Variants in SLC16A7 observed in about 807,000 individuals in gnomAD.
SLC16A7 encodes the protein monocarboxylate transporter 2.
A neutral mutation model predicts 34.9 loss-of-function variants in SLC16A7; 33 were observed. The ratio of observed to expected loss-of-function variants is 0.94; its 90% CI spans 0.72 to 1.26. The LOEUF (loss-of-function observed/expected upper bound fraction) is 1.26, where lower values mean the gene tolerates loss of function less well. SLC16A7 is among the 50% of genes most tolerant of loss of function. SLC16A7 has a pLI of 0.00. For missense variants in SLC16A7, 573 were observed against 578.1 expected, an observed-to-expected ratio of 0.99 and a Z score of 0.09; for synonymous variants, 201 against 206.6, an observed-to-expected ratio of 0.97 and a Z score of 0.23.
chr12:59,720,676 A>G (rs1875471352), intron 3 of SLC16A7, among the ~76,000 whole-genome samples: 1 of 152,050 alleles, frequency 6.6e-6, no homozygotes, highest in African/African-American at 2.4e-5. Flanking sequence ...TCCCATGTTC[A>G]CACCCTTAAA....
At chr12:59,754,425 A>G (rs1880021221) in intron 3 of SLC16A7, among the ~76,000 whole-genome samples, 1 of 152,176 alleles carries the variant, frequency 6.6e-6, no homozygotes, top group South Asian at 2.1e-4. Flanking sequence ...TAAAGGGGAT[A>G]TCACCACCAA....
intron 3 of SLC16A7, among the ~76,000 whole-genome samples, chr12:59,709,140 T>C (rs2132872): frequency 0.57 from 86,390 of 151,308 alleles, 25,748 homozygotes; most frequent in African/African-American, 0.73. Context: ...ATAATCTATA[T>C]ATGGTTACCT....
At chr12:59,758,831 A>G (rs957939140) in intron 3 of SLC16A7, among the ~76,000 whole-genome samples, 2 of 152,106 alleles carry the variant, frequency 1.3e-5, no homozygotes, top group Non-Finnish European at 2.9e-5. Context: ...GCATCAATTT[A>G]TGACAAATTC....
At chr12:59,722,595 C>T (rs945272304) in intron 3 of SLC16A7, among the ~76,000 whole-genome samples, 5 of 151,888 alleles carry the variant, frequency 3.3e-5, no homozygotes, top group African/African-American at 1.2e-4. Context: ...ATATACCAGC[C>T]ATGCTCTCAC....
intron 3 of SLC16A7, among the ~76,000 whole-genome samples, chr12:59,756,751 A>C (rs1056505970): frequency 7.4e-6 from 1 of 135,464 alleles, no homozygotes; most frequent in African/African-American, 3.0e-5. Flanking sequence ...CCATCCCATT[A>C]CTGGGTATAT....
At chr12:59,743,823 A>G (rs932818755) in intron 3 of SLC16A7, among the ~76,000 whole-genome samples, 4 of 152,206 alleles carry the variant, frequency 2.6e-5, no homozygotes, top group Admixed American at 2.6e-4. Flanking sequence ...AAAAAGACTT[A>G]GATTCAAAGC....
intron 4 of SLC16A7, among the ~76,000 whole-genome samples, 174 bp downstream of exon 4, chr12:59,771,536 C>T (rs1275937231): frequency 6.6e-6 from 1 of 151,934 alleles, no homozygotes; most frequent in Non-Finnish European, 1.5e-5. Context: ...AATGGGCAAA[C>T]ATTTCATTTT....
At chr12:59,684,703 G>C (rs2137079910) in intron 2 of SLC16A7, among the ~76,000 whole-genome samples, 1 of 152,214 alleles carries the variant, frequency 6.6e-6, no homozygotes, top group Middle Eastern at 3.4e-3. Context: ...AGTCTAGGAT[G>C]ATGGGCAGAT....
chr12:59,658,266 T>C (rs1398633280), intron 2 of SLC16A7, among the ~76,000 whole-genome samples: 4 of 151,972 alleles, frequency 2.6e-5, no homozygotes, highest in Non-Finnish European at 5.9e-5. Context: ...CAGTCTTACT[T>C]CTCCCACACT....
chr12:59,717,297 C>G (rs1875029019), intron 3 of SLC16A7, among the ~76,000 whole-genome samples: 1 of 152,162 alleles, frequency 6.6e-6, no homozygotes, highest in Non-Finnish European at 1.5e-5. Flanking sequence ...TTACAGTGTT[C>G]TTGAATACAC....
At chr12:59,618,542 C>A (rs1879558832) in intron 1 of SLC16A7, among the ~76,000 whole-genome samples, 1 of 151,942 alleles carries the variant, frequency 6.6e-6, no homozygotes, top group Non-Finnish European at 1.5e-5. Context: ...TTTCCTTCCA[C>A]AGTTTTTGCA....
chr12:59,720,708 C>A (rs1875477516), intron 3 of SLC16A7, among the ~76,000 whole-genome samples: 1 of 152,008 alleles, frequency 6.6e-6, no homozygotes, highest in Non-Finnish European at 1.5e-5. Flanking sequence ...CAATAGCTTT[C>A]AAATAATCTC....
chr12:59,726,560 A>G (rs1031007222), intron 3 of SLC16A7, among the ~76,000 whole-genome samples: 1 of 152,172 alleles, frequency 6.6e-6, no homozygotes, highest in Non-Finnish European at 1.5e-5. Context: ...TATGTGGTCT[A>G]AAATCTTATT....
intron 1 of SLC16A7, among the ~76,000 whole-genome samples, chr12:59,648,520 A>C (rs1462289313): frequency 6.6e-6 from 1 of 152,164 alleles, no homozygotes; most frequent in East Asian, 1.9e-4. Context: ...CTAAAAACCA[A>C]CTGAAGATTC....
At chr12:59,623,093 T>A (rs968096836) in intron 1 of SLC16A7, among the ~76,000 whole-genome samples, 2 of 135,422 alleles carry the variant, frequency 1.5e-5, no homozygotes, top group East Asian at 4.3e-4. Flanking sequence ...TGTGTGTGTG[T>A]CTGTATGTGC....
At position 59,775,047 on chromosome 12, in the gene SLC16A7, T is replaced by C. The variant is rs1407749026; in HGVS notation, c.752T>C (p.Leu251Pro). Reference sequence around the variant, plus strand: ...AAGCATAGAGGATTTCTGATATATCTGTCTGGAAATGTCATTATGTTCCTA... The same window carrying C: ...AAGCATAGAGGATTTCTGATATATCCGTCTGGAAATGTCATTATGTTCCTA... ...LFKHRGFLIYLSGNVIMFLGF... is the reference protein window; with the variant it reads ...LFKHRGFLIYPSGNVIMFLGF... Residue 251 changes from leucine (L) to proline (P), a missense_variant, in exon 5 of 6, where the codon CTG becomes CCG. Transcript: ENST00000547379. 8 of 1,613,980 alleles carry C rather than the reference T, an allele frequency of 5.0e-6. No homozygotes were observed. The highest frequency in any genetic ancestry group is 6.8e-6 in the Non-Finnish European group (8 of 1,179,990).
intron 1 of SLC16A7, among the ~76,000 whole-genome samples, chr12:59,621,235 C>G (rs1327457697): frequency 1.3e-5 from 2 of 151,942 alleles, no homozygotes; most frequent in Non-Finnish European, 2.9e-5. Context: ...AATCTGTCTC[C>G]CAATCCCTGT....
intron 2 of SLC16A7, among the ~76,000 whole-genome samples, chr12:59,702,921 G>C (rs1873061919): frequency 6.6e-6 from 1 of 151,582 alleles, no homozygotes; most frequent in Non-Finnish European, 1.5e-5. Context: ...ATTTTACTTA[G>C]GTCAGGCTTC....
At chr12:59,598,737 A>C (rs984688663) in intron 1 of SLC16A7, among the ~76,000 whole-genome samples, 1 of 152,208 alleles carries the variant, frequency 6.6e-6, no homozygotes, top group African/African-American at 2.4e-5. Context: ...TATCTTTGTC[A>C]ATGAATTGAT....
Sources: gnomAD v4.1 joint callset for allele counts (sites outside exome capture counted in the v4.1 genomes callset) on GRCh38, gnomAD v4.1.1 for gene constraint, MANE v1.5 for transcripts, NCBI Gene and HGNC (gene_info 2026-07-23, HGNC 2026-07-21) for gene names.